YPEL5: variants seen among roughly 807,000 people sequenced by gnomAD.
The protein encoded by YPEL5 is protein yippee-like 5.
A neutral mutation model predicts 10.5 loss-of-function variants in YPEL5; 1 was observed. The ratio of observed to expected loss-of-function variants is 0.10; its 90% CI spans 0.03 to 0.45. The LOEUF (loss-of-function observed/expected upper bound fraction) is 0.45. Among genes scored for constraint, YPEL5 ranks in the 20% least tolerant of loss-of-function variants. The probability of loss-of-function intolerance (pLI) is 0.97; values close to 1 mark genes in which losing one functional copy is unlikely to be tolerated. For synonymous variants in YPEL5, 61 were observed against 56.6 expected (o/e 1.08, Z -0.35); for missense variants, 68 against 159.3 (o/e 0.43, Z 3.09).
chr2:30,148,267 T>C (rs1344405631), intron 1 of YPEL5: 1 of 152,260 alleles, frequency 6.6e-6, no homozygotes, highest in East Asian at 1.9e-4. Context: ...AATCTGAGGA[T>C]TTTTATTCTA....
At position 30,158,635 on chromosome 2, in the gene YPEL5, A is replaced by G. The variant is rs1676148007; in HGVS notation, c.158A>G (p.Tyr53Cys). The stretch of plus-strand genomic sequence containing the variant: ...CCTTGTTAGGTAGTTAACCTGCAGT[A>G]CAGTGAAGTTCAAGATCGGGTCATG... ...FLFNKVVNLQ[Y>C]SEVQDRVMLT... The change falls in exon 3 of 3, where the codon TAC becomes TGC. Residue 53 changes from tyrosine (Y) to cysteine (C), a missense_variant. Physicochemically the swap from Tyr to Cys is radical, Grantham distance 194. This residue lies in a region of YPEL5 where 48 missense variants were observed against 138.4 expected (regional missense o/e 0.35). Coordinates refer to ENST00000261353, the MANE Select transcript of YPEL5 (RefSeq NM_016061.3). 1 of 1,613,484 alleles carries G rather than the reference A, an allele frequency of 6.2e-7. No individual in the cohort carries two copies. The highest frequency in any genetic ancestry group is 1.3e-5 in the African/African-American group (1 of 74,924).
At chr2:30,149,372 C>T (rs1295321820) in intron 1 of YPEL5, among the ~76,000 whole-genome samples, 1 of 152,150 alleles carries the variant, frequency 6.6e-6, no homozygotes, top group Non-Finnish European at 1.5e-5. Context: ...AAACTGGTCA[C>T]GTACTGCAAG....
At chr2:30,157,520 A>G (rs991481344) in intron 2 of YPEL5, among the ~76,000 whole-genome samples, 1 of 152,156 alleles carries the variant, frequency 6.6e-6, no homozygotes, top group Non-Finnish European at 1.5e-5. Context: ...CATGCTCACC[A>G]ATCATCCTTC....
chr2:30,153,557 T>C (rs1675909016), intron 1 of YPEL5, among the ~76,000 whole-genome samples: 1 of 152,226 alleles, frequency 6.6e-6, no homozygotes, highest in Non-Finnish European at 1.5e-5. Flanking sequence ...GTTTGAATAG[T>C]GTCAGTGTTA....
At chr2:30,156,592 A>G (rs182859299) in intron 1 of YPEL5, 36 bp from the exon 2 acceptor site, 24 of 1,581,842 alleles carry the variant, frequency 1.5e-5, no homozygotes, top group Admixed American at 5.1e-5. Context: ...CATGATTATT[A>G]TAATGCATTT....
In YPEL5 at chr2:30,157,144, G is replaced by A. The variant is rs901339858; in HGVS notation, c.141+352G>A. ...CTAAAAATACAAAAATTAGCTGGGC[G>A]TGGTGGTGTGTGCCTCTAGTCCCAG... is the stretch of plus-strand genomic sequence containing the variant. On this transcript the variant is annotated intron_variant, in intron 2 of 2. Transcript: ENST00000261353. 5.9e-5 allele frequency among the ~76,000 whole-genome samples: 9 copies of A among 152,106 alleles called. No individual in the cohort carries two copies. The South Asian group carries it at 1.0e-3, about 17-fold the overall frequency.
intron 2 of YPEL5, 33 bp from the exon 3 acceptor site, chr2:30,158,586 C>G: frequency 6.2e-7 from 1 of 1,600,562 alleles, no homozygotes; most frequent in South Asian, 1.1e-5. Flanking sequence ...ACTAACATGC[C>G]TTGCAATTTT....
At chr2:30,150,065 A>C (rs1675711994) in intron 1 of YPEL5, among the ~76,000 whole-genome samples, 1 of 152,216 alleles carries the variant, frequency 6.6e-6, no homozygotes, top group Non-Finnish European at 1.5e-5. Flanking sequence ...AGGGACAACA[A>C]GTACCTATTT....
At chr2:30,151,480 T>C (rs1197089119) in intron 1 of YPEL5, among the ~76,000 whole-genome samples, 1 of 152,186 alleles carries the variant, frequency 6.6e-6, no homozygotes, top group Non-Finnish European at 1.5e-5. Flanking sequence ...TCTATGAAAT[T>C]ATCTATAAAT....
intron 1 of YPEL5, among the ~76,000 whole-genome samples, chr2:30,152,893 T>G (rs113757649): frequency 5.1e-5 from 1 of 19,616 alleles, no homozygotes; most frequent in Non-Finnish European, 9.1e-5. Flanking sequence ...GTCCTTTGTT[T>G]TTTTTTTTTT....
rs144221219 is a variant in YPEL5, at chr2:30,160,163, G to T, written c.*1320G>T. Reference sequence around the variant, plus strand: ...AAATTGGCTAATTATTTGAATGAATGAATGGATGGATGTTTTGCATGCTCA... The same window carrying T: ...AAATTGGCTAATTATTTGAATGAATTAATGGATGGATGTTTTGCATGCTCA... On this transcript the variant is annotated 3_prime_UTR_variant, in exon 3 of 3. Transcript: ENST00000261353. 3 of 152,708 alleles carry T rather than the reference G, an allele frequency of 2.0e-5. No homozygotes were observed. The highest frequency in any genetic ancestry group is 7.2e-5 in the African/African-American group (3 of 41,586). 9.5% of individuals were successfully genotyped at this position (152,708 alleles called of 1,614,324 possible).
At chr2:30,150,126 C>G (rs949998013) in intron 1 of YPEL5, among the ~76,000 whole-genome samples, 1 of 152,198 alleles carries the variant, frequency 6.6e-6, no homozygotes, top group Admixed American at 6.5e-5. Context: ...TTTCCTCCAG[C>G]TTCTGATTTC....
At chr2:30,147,906 C>T (rs1273317096) in intron 1 of YPEL5, 1 of 152,892 alleles carries the variant, frequency 6.5e-6, no homozygotes, top group Non-Finnish European at 1.5e-5. Context: ...CGGCTGGCGT[C>T]ACGTGGCCTC....
At chr2:30,157,168 A>G (rs1676079162) in intron 2 of YPEL5, among the ~76,000 whole-genome samples, 2 of 152,196 alleles carry the variant, frequency 1.3e-5, no homozygotes, top group Middle Eastern at 3.4e-3. Flanking sequence ...CTCTAGTCCC[A>G]GCTACTCGGG....
intron 1 of YPEL5, chr2:30,147,732 A>T (rs1335590633): frequency 1.4e-5 from 2 of 144,786 alleles, no homozygotes; most frequent in African/African-American, 5.1e-5. Flanking sequence ...AGGACCCGGG[A>T]CTGACAGCGC....
intron 1 of YPEL5, 121 bp from the exon 2 acceptor site, chr2:30,156,507 C>T (rs1055366742): frequency 1.8e-5 from 16 of 894,784 alleles, no homozygotes; most frequent in South Asian, 1.7e-4. Context: ...TTTCACACAT[C>T]GAGTACTACA....
Position 30,159,129 on chromosome 2 carries a change from A to G in YPEL5, c.*286A>G, listed in dbSNP as rs566515183. 6 of 321,978 alleles carry G rather than the reference A, an allele frequency of 1.9e-5. No homozygotes were observed. In the South Asian group the frequency reaches 4.3e-4, roughly 23 times the overall value. The allele number at this position is 321,978 out of a possible 1,614,324, so 19.9% of individuals were successfully genotyped here. A position where few individuals can be genotyped will look rare whatever the true frequency, so the allele number is the denominator to read the frequency against. On this transcript the variant is annotated 3_prime_UTR_variant, in exon 3 of 3. Transcript: ENST00000261353. ...TCTGTCTGCAGCTATGTGGTGAGCT[A>G]TGTAAGGAAAAAAATCTGGGCTGTT...
intron 1 of YPEL5, among the ~76,000 whole-genome samples, chr2:30,151,649 C>T (rs1283436489): frequency 6.6e-6 from 1 of 152,014 alleles, no homozygotes; most frequent in African/African-American, 2.4e-5. Context: ...CCAAAGAGGC[C>T]TTATTTATAA....
intron 1 of YPEL5, among the ~76,000 whole-genome samples, chr2:30,149,710 G>A (rs1675693290): frequency 6.6e-6 from 1 of 152,176 alleles, no homozygotes; most frequent in Admixed American, 6.5e-5. Context: ...CTCTGCAAGG[G>A]GCAGGTTCCT....
Sources: allele counts gnomAD v4.1 joint callset (sites outside exome capture counted in the v4.1 genomes callset), GRCh38; gene constraint gnomAD v4.1.1; regional missense constraint gnomAD v4.1.1; transcripts MANE v1.5; gene names NCBI Gene and HGNC (gene_info 2026-07-23, HGNC 2026-07-21).